RAD17: variants seen among roughly 807,000 people sequenced by gnomAD.
RAD17 encodes the protein cell cycle checkpoint protein RAD17.
In RAD17, 31 loss-of-function variants were observed where a neutral mutation model predicts 81.5. The observed-to-expected ratio is 0.38, with a 90% CI of 0.29 to 0.51. RAD17 has a LOEUF of 0.51. RAD17 is among the 20% of genes least tolerant of loss of function. The pLI is 0.88. For synonymous variants in RAD17, 261 were observed against 266.2 expected (o/e 0.98, Z 0.19); for missense variants, 681 against 781.2 (o/e 0.87, Z 1.53).
chr5:69,394,255 G>A (rs1006318619), intron 15 of RAD17, among the ~76,000 whole-genome samples: 2 of 149,524 alleles, frequency 1.3e-5, no homozygotes, highest in Non-Finnish European at 3.0e-5. Context: ...TAGAGACAGG[G>A]TTCACCATGT....
intron 16 of RAD17, among the ~76,000 whole-genome samples, chr5:69,399,793 ATAC>A (rs1765141721): frequency 1.3e-5 from 2 of 152,194 alleles, no homozygotes; most frequent in African/African-American, 4.8e-5. Context: ...TGGTTTTCTT[ATAC>A]ATTCAATGTC....
intron 13 of RAD17, among the ~76,000 whole-genome samples, chr5:69,392,471 A>T (rs1394401576): frequency 6.6e-6 from 1 of 152,032 alleles, no homozygotes; most frequent in African/African-American, 2.4e-5. Flanking sequence ...GTCTTTTTTG[A>T]TGACTGCTCC....
chr5:69,391,922 G>A lies in RAD17; in HGVS notation c.1098G>A (p.Arg366=), dbSNP rs750239467. ...CAAAACGAAGAAAAAAACCTGATAG[G>A]GTTTTTGAAAATCAAGAGGTCCAAG... The part of the protein sequence containing the change: ...SKSKRRKKPD[R]VFENQEVQAI... The change falls in exon 13 of 19, where the codon AGG becomes AGA. Residue 366 remains arginine (R), a synonymous_variant. Transcript: ENST00000354868. 2 of 1,596,642 alleles carry A rather than the reference G, an allele frequency of 1.3e-6. No individual in the cohort carries two copies. The highest frequency in any genetic ancestry group is 1.1e-5 in the South Asian group (1 of 87,460).
intron 6 of RAD17, among the ~76,000 whole-genome samples, chr5:69,380,686 A>G (rs557920622): frequency 6.6e-6 from 1 of 151,726 alleles, no homozygotes; most frequent in African/African-American, 2.4e-5. Context: ...AATCAAATTT[A>G]CGGTATGAGG....
intron 6 of RAD17, among the ~76,000 whole-genome samples, chr5:69,375,157 A>C (rs17229859): frequency 6.6e-6 from 1 of 152,304 alleles, no homozygotes; most frequent in African/African-American, 2.4e-5. Context: ...AGAAAGCTTC[A>C]TGACTTTACT....
intron 7 of RAD17, among the ~76,000 whole-genome samples, chr5:69,383,732 T>C (rs1764000267): frequency 6.6e-6 from 1 of 152,184 alleles, no homozygotes; most frequent in African/African-American, 2.4e-5. Context: ...TTGTCTAGAA[T>C]GAACTTCTTA....
intron 17 of RAD17, among the ~76,000 whole-genome samples, chr5:69,409,441 G>C (rs1765833713): frequency 6.6e-6 from 1 of 152,152 alleles, no homozygotes; most frequent in South Asian, 2.1e-4. Flanking sequence ...GCTCAGGGTT[G>C]GGAATGGGAG....
At chr5:69,372,861 C>T (rs1370073711) in intron 4 of RAD17, among the ~76,000 whole-genome samples, 4 of 152,164 alleles carry the variant, frequency 2.6e-5, no homozygotes, top group African/African-American at 9.6e-5. Context: ...CCTACTGCCT[C>T]TGCCTCTGAA....
In RAD17 at chr5:69,404,704, G is replaced by T. The variant is rs952878765; in HGVS notation, c.1693+4535G>T. 4.6e-5 allele frequency among the ~76,000 whole-genome samples: 7 copies of T among 151,628 alleles called. No individual in the cohort carries two copies. In the East Asian group the frequency reaches 1.4e-3, roughly 30 times the overall value. On this transcript the variant is annotated intron_variant, in intron 17 of 18. Coordinates refer to ENST00000354868, the MANE Select transcript of RAD17 (RefSeq NM_133338.3). ...GAATTGCTTGAACCCGGGAGGCGGA[G>T]GTTGCCATGAGCCGAGTTTGCACCA... is the stretch of plus-strand genomic sequence containing the variant.
Position 69,371,085 on chromosome 5 carries a change from C to A in RAD17, c.-366C>A, listed in dbSNP as rs11542278. 4 of 426,322 alleles carry A rather than the reference C, an allele frequency of 9.4e-6. No homozygotes were observed. The highest frequency in any genetic ancestry group is 1.8e-5 in the Non-Finnish European group (4 of 218,770). The allele number at this position is 426,322 out of a possible 1,614,324, so 26.4% of individuals were successfully genotyped here. ...TTTTGGGAAATACTGGAAATGAAGA[C>A]CTGCAACTGTAATTTGAAATAAGGA... is the stretch of plus-strand genomic sequence containing the variant. On this transcript the variant is annotated 5_prime_UTR_variant, in exon 2 of 19. Transcript: ENST00000354868.
At chr5:69,398,228 C>G (rs1413285699) in intron 16 of RAD17, among the ~76,000 whole-genome samples, 1 of 152,096 alleles carries the variant, frequency 6.6e-6, no homozygotes, top group African/African-American at 2.4e-5. Context: ...TTTAGCCATT[C>G]TACCATATAT....
At chr5:69,403,479 G>A (rs774670833) in intron 17 of RAD17, among the ~76,000 whole-genome samples, 4 of 152,152 alleles carry the variant, frequency 2.6e-5, no homozygotes, top group East Asian at 3.8e-4. Flanking sequence ...CTGCATAAAC[G>A]TTATTTTTGC....
chr5:69,377,005 C>T (rs191886058), intron 6 of RAD17, among the ~76,000 whole-genome samples: 35 of 152,242 alleles, frequency 2.3e-4, no homozygotes, highest in African/African-American at 7.7e-4. Context: ...TTACCCGCCT[C>T]GGCTTCCCTA....
At chr5:69,410,466 T>C in intron 17 of RAD17, 27 bp from the exon 18 acceptor site, 1 of 1,591,408 alleles carries the variant, frequency 6.3e-7, no homozygotes, top group Non-Finnish European at 8.6e-7. Flanking sequence ...GGAAAATTGT[T>C]TACAACTTTT....
At chr5:69,403,190 A>G (rs1486760810) in intron 17 of RAD17, among the ~76,000 whole-genome samples, 1 of 152,132 alleles carries the variant, frequency 6.6e-6, no homozygotes, top group East Asian at 1.9e-4. Flanking sequence ...TCCAGAATCC[A>G]ATGAAAGATA....
intron 18 of RAD17, among the ~76,000 whole-genome samples, chr5:69,412,282 A>G (rs1472460598): frequency 6.6e-6 from 1 of 152,142 alleles, no homozygotes; most frequent in Non-Finnish European, 1.5e-5. Context: ...TCAGTGCTAT[A>G]TATTACAATG....
intron 6 of RAD17, among the ~76,000 whole-genome samples, chr5:69,380,337 G>T (rs1763774558): frequency 6.6e-6 from 1 of 152,142 alleles, no homozygotes; most frequent in African/African-American, 2.4e-5. Context: ...CAGTAGGTGT[G>T]TGTACACCAG....
chr5:69,369,488 C>T, upstream of RAD17: 1 of 1,611,512 alleles, frequency 6.2e-7, no homozygotes, highest in Non-Finnish European at 8.5e-7. Context: ...TCGGAAGCAA[C>T]ATGGTCCCCG....
At chr5:69,387,119 C>T (rs968712302) in intron 11 of RAD17, among the ~76,000 whole-genome samples, 1 of 151,898 alleles carries the variant, frequency 6.6e-6, no homozygotes, top group Non-Finnish European at 1.5e-5. Flanking sequence ...GAGACAGGGT[C>T]TCTCTGTGTT....
Sources: gnomAD v4.1 joint callset for allele counts (sites outside exome capture counted in the v4.1 genomes callset) on GRCh38, gnomAD v4.1.1 for gene constraint, MANE v1.5 for transcripts, NCBI Gene and HGNC (gene_info 2026-07-23, HGNC 2026-07-21) for gene names.